Variants in HS3ST5 observed in about 807,000 individuals in gnomAD.
The protein encoded by HS3ST5 is heparan sulfate-glucosamine 3-sulfotransferase 5, also known as heparan sulfate glucosamine 3-O-sulfotransferase 5.
Under a neutral mutation model 25.4 loss-of-function variants are expected in HS3ST5, and 10 were observed. That is an observed-to-expected ratio of 0.39 (90% CI 0.24 to 0.67). The LOEUF (loss-of-function observed/expected upper bound fraction) is 0.67. Among genes scored for constraint, HS3ST5 ranks in the 30% least tolerant of loss-of-function variants. HS3ST5 has a pLI of 0.44. For missense variants in HS3ST5, 324 were observed against 420.7 expected (o/e 0.77, Z 2.01); for synonymous variants, 170 against 162.4 (o/e 1.05, Z -0.36).
chr6:114,154,936 C>G (rs902003114), intron 3 of HS3ST5, among the ~76,000 whole-genome samples: 1 of 152,120 alleles, frequency 6.6e-6, no homozygotes, highest in Non-Finnish European at 1.5e-5. Flanking sequence ...TTATCTTTCC[C>G]GATTGCTCTG....
At chr6:114,267,309 A>G (rs965681599) in intron 1 of HS3ST5, among the ~76,000 whole-genome samples, 2 of 152,220 alleles carry the variant, frequency 1.3e-5, no homozygotes, top group Admixed American at 6.5e-5. Context: ...GGAATCTGTT[A>G]GATGAAAATC....
At chr6:114,069,516 ATTT>A (rs373504728) in intron 3 of HS3ST5, among the ~76,000 whole-genome samples, 4 of 130,654 alleles carry the variant, frequency 3.1e-5, no homozygotes, top group Admixed American at 7.9e-5. Flanking sequence ...ACATGGGAGA[ATTT>A]TTTTTTTTTT....
chr6:114,175,019 T>C (rs1431996860), intron 2 of HS3ST5, among the ~76,000 whole-genome samples: 1 of 152,068 alleles, frequency 6.6e-6, no homozygotes, highest in East Asian at 1.9e-4. Context: ...GCAAGGTAGA[T>C]AATAGGAGCA....
intron 1 of HS3ST5, among the ~76,000 whole-genome samples, chr6:114,263,132 T>C (rs1179544995): frequency 1.3e-5 from 2 of 152,144 alleles, no homozygotes; most frequent in African/African-American, 4.8e-5. Context: ...GACTCCCATG[T>C]TTACAAAATA....
chr6:114,244,660 G>T (rs890217134), intron 1 of HS3ST5, among the ~76,000 whole-genome samples: 3 of 152,150 alleles, frequency 2.0e-5, no homozygotes, highest in Non-Finnish European at 4.4e-5. Flanking sequence ...GACTACTTAA[G>T]CAGTTGCTAA....
chr6:114,313,053 A>AAAAAAAAAAT (rs1775600889), intron 1 of HS3ST5, among the ~76,000 whole-genome samples: 1 of 150,058 alleles, frequency 6.7e-6, no homozygotes. Flanking sequence ...AAAAAAAAAA[A>AAAAAAAAAAT]AGATACACTA....
At chr6:114,125,927 A>C (rs1474332770) in intron 3 of HS3ST5, among the ~76,000 whole-genome samples, 1 of 152,224 alleles carries the variant, frequency 6.6e-6, no homozygotes, top group South Asian at 2.1e-4. Flanking sequence ...AGGCAGTATT[A>C]CAGGGAACTA....
intron 1 of HS3ST5, among the ~76,000 whole-genome samples, chr6:114,280,393 T>A (rs2114735112): frequency 6.6e-6 from 1 of 152,000 alleles, no homozygotes; most frequent in Non-Finnish European, 1.5e-5. Flanking sequence ...ACATAGCCTT[T>A]CAACAGGTAA....
intron 1 of HS3ST5, among the ~76,000 whole-genome samples, chr6:114,256,357 C>T (rs1429651609): frequency 6.7e-6 from 1 of 149,690 alleles, no homozygotes; most frequent in Non-Finnish European, 1.5e-5. Context: ...CACTGCACTC[C>T]AGCCTGGAGG....
At chr6:114,276,474 T>G (rs1773858223) in intron 1 of HS3ST5, among the ~76,000 whole-genome samples, 1 of 151,860 alleles carries the variant, frequency 6.6e-6, no homozygotes, top group Non-Finnish European at 1.5e-5. Flanking sequence ...AACTCATGCT[T>G]TTACACATAA....
intron 3 of HS3ST5, among the ~76,000 whole-genome samples, chr6:114,134,894 G>A (rs1002985012): frequency 1.3e-5 from 2 of 152,188 alleles, no homozygotes; most frequent in African/African-American, 2.4e-5. Context: ...TTAAGCCCAC[G>A]TTACTGCCAC....
At chr6:114,205,962 G>A (rs753817019) in intron 2 of HS3ST5, among the ~76,000 whole-genome samples, 1 of 152,136 alleles carries the variant, frequency 6.6e-6, no homozygotes, top group East Asian at 1.9e-4. Flanking sequence ...GGCCTGGTTT[G>A]TAACAGGCTA....
intron 1 of HS3ST5, among the ~76,000 whole-genome samples, chr6:114,333,651 A>T (rs115150641): frequency 0.06 from 9,117 of 151,984 alleles, 466 homozygotes; most frequent in African/African-American, 0.14. Flanking sequence ...ATATTTTTTT[A>T]AAATTTTTTT....
chr6:114,330,855 C>T (rs1186575861), intron 1 of HS3ST5, among the ~76,000 whole-genome samples: 1 of 152,160 alleles, frequency 6.6e-6, no homozygotes, highest in Non-Finnish European at 1.5e-5. Flanking sequence ...AAAAGACAGG[C>T]TGATAGAAGG....
chr6:114,174,903 G>A (rs936838204), intron 2 of HS3ST5, among the ~76,000 whole-genome samples: 31 of 152,116 alleles, frequency 2.0e-4, no homozygotes, highest in African/African-American at 7.5e-4. Flanking sequence ...AGAGGCAGGA[G>A]GATTGCTTGA....
In HS3ST5 at chr6:114,310,506, CTT is replaced by C. The variant is rs559494976; in HGVS notation, c.-339+31687_-339+31688del. 3.1e-3 allele frequency among the ~76,000 whole-genome samples: 470 copies of C among 151,850 alleles called. 1 individual carries two copies. Among genetic ancestry groups the C allele is most frequent in the African/African-American group, 0.011 (449 of 41,424 alleles). On this transcript the variant is annotated intron_variant, in intron 1 of 4. Coordinates refer to ENST00000312719, the MANE Select transcript of HS3ST5 (RefSeq NM_153612.4). ...CAAAAACGTTTTTTTGTGGAAAAGA[CTT>C]TATTTACTCACCAAATAGCTTTTTT...
chr6:114,309,820 T>C (rs1775455782), intron 1 of HS3ST5, among the ~76,000 whole-genome samples: 1 of 152,216 alleles, frequency 6.6e-6, no homozygotes, highest in Admixed American at 6.5e-5. Flanking sequence ...AAAAATATAG[T>C]ACTACATTTG....
chr6:114,226,681 AATTT>A (rs1388977244), intron 2 of HS3ST5, among the ~76,000 whole-genome samples: 10 of 152,002 alleles, frequency 6.6e-5, no homozygotes, highest in Admixed American at 4.6e-4. Flanking sequence ...AAGTTTCTGT[AATTT>A]ATTCTTCTGT....
At chr6:114,311,969 A>C (rs1775554872) in intron 1 of HS3ST5, among the ~76,000 whole-genome samples, 1 of 152,176 alleles carries the variant, frequency 6.6e-6, no homozygotes, top group Admixed American at 6.5e-5. Context: ...GTAGTATTTT[A>C]ACTACCAACT....
Sources: gnomAD v4.1 joint callset for allele counts (sites outside exome capture counted in the v4.1 genomes callset) on GRCh38, gnomAD v4.1.1 for gene constraint, MANE v1.5 for transcripts, NCBI Gene and HGNC (gene_info 2026-07-23, HGNC 2026-07-21) for gene names.